Variants in SAMD8 observed in about 807,000 individuals in gnomAD.
SAMD8 encodes sphingomyelin synthase-related protein 1.
In SAMD8, 20 loss-of-function variants were observed where a neutral mutation model predicts 42.0. That is an observed-to-expected ratio of 0.48 (90% CI 0.34 to 0.69). The LOEUF is 0.69. Among genes scored for constraint, SAMD8 ranks in the 30% least tolerant of loss-of-function variants. The pLI is 0.01. For missense variants in SAMD8, 328 were observed against 511.6 expected, an observed-to-expected ratio of 0.64 and a Z score of 3.46; for synonymous variants, 162 against 173.0, an observed-to-expected ratio of 0.94 and a Z score of 0.50.
At chr10:75,173,666 T>C (rs1003051877) in intron 4 of SAMD8, among the ~76,000 whole-genome samples, 5 of 152,234 alleles carry the variant, frequency 3.3e-5, no homozygotes, top group African/African-American at 1.2e-4. Context: ...ACCAAACCCA[T>C]GTGTATTATC....
rs139431010 is a variant in SAMD8 at position 75,150,735 on chromosome 10, G to A, written c.207G>A (p.Met69Ile). 2.5e-6 allele frequency: 4 copies of A among 1,614,042 alleles called. No homozygotes were observed. Among genetic ancestry groups the A allele is most frequent in the Non-Finnish European group, 1.7e-6 (2 of 1,180,044 alleles). Residue 69 changes from methionine to isoleucine, a missense_variant, in exon 2 of 6, where the codon ATG becomes ATA. Physicochemically the swap from Met to Ile is conservative, Grantham distance 10. Around this residue, in one of 2 missense-constraint regions of SAMD8, gnomAD observed 150 missense variants for 186.0 expected, o/e 0.81. Transcript: ENST00000542569. ...IKVLGDIKRL[M>I]LSVRKLQKIH... is the part of the protein sequence containing the mutation. ...TCTTAGGGGACATTAAAAGGTTAAT[G>A]CTCTCAGTCCGAAAATTGCAGAAAA...
At chr10:75,168,057 C>T (rs1271243749) in intron 3 of SAMD8, among the ~76,000 whole-genome samples, 3 of 151,832 alleles carry the variant, frequency 2.0e-5, no homozygotes, top group Non-Finnish European at 4.4e-5. Context: ...AGTGCAATGG[C>T]GCAGTCTTGG....
At chr10:75,156,259 GA>G (rs147436985) in intron 2 of SAMD8, among the ~76,000 whole-genome samples, 28,629 of 151,928 alleles carry the variant, frequency 0.19, 2,924 homozygotes, top group East Asian at 0.26. Context: ...CATTCCTCAC[GA>G]AAATGAACTA....
At chr10:75,110,446 G>A (rs527699340), upstream of SAMD8, among the ~76,000 whole-genome samples, 1 of 152,202 alleles carries the variant, frequency 6.6e-6, no homozygotes, top group Non-Finnish European at 1.5e-5. Flanking sequence ...GAGCTGCAGT[G>A]GGGAGGTTCC....
intron 1 of SAMD8, among the ~76,000 whole-genome samples, chr10:75,144,403 C>T (rs1840089572): frequency 6.7e-6 from 1 of 150,096 alleles, no homozygotes; most frequent in South Asian, 2.1e-4. Context: ...ATGACTCATT[C>T]TCCCTGCTCC....
At chr10:75,155,238 A>G (rs913661314) in intron 2 of SAMD8, among the ~76,000 whole-genome samples, 1 of 152,160 alleles carries the variant, frequency 6.6e-6, no homozygotes, top group South Asian at 2.1e-4. Flanking sequence ...TGGAGTTGCC[A>G]TTTACAGAGA....
At chr10:75,104,735 C>T (rs1848389156) in intron 1 of SAMD8, among the ~76,000 whole-genome samples, 1 of 152,146 alleles carries the variant, frequency 6.6e-6, no homozygotes, top group Admixed American at 6.5e-5. Flanking sequence ...TCACAGTCAC[C>T]CCCAAACTCT....
chr10:75,131,409 A>C (rs907110684), intron 1 of SAMD8, among the ~76,000 whole-genome samples: 1 of 152,182 alleles, frequency 6.6e-6, no homozygotes, highest in Non-Finnish European at 1.5e-5. Context: ...TAGTTTAAGC[A>C]TATACACAGA....
chr10:75,174,566 C>G (rs1310184075), intron 4 of SAMD8, among the ~76,000 whole-genome samples: 2 of 151,198 alleles, frequency 1.3e-5, no homozygotes, highest in Non-Finnish European at 2.9e-5. Context: ...TCCTGAGTAG[C>G]TGGGATTACA....
chr10:75,127,676 C>T (rs1378512850), intron 1 of SAMD8, among the ~76,000 whole-genome samples: 1 of 152,168 alleles, frequency 6.6e-6, no homozygotes, highest in Non-Finnish European at 1.5e-5. Context: ...CATCACATAT[C>T]CTCTAGCTGT....
chr10:75,160,363 A>T (rs971370096), intron 2 of SAMD8, among the ~76,000 whole-genome samples: 3 of 143,080 alleles, frequency 2.1e-5, no homozygotes, highest in Admixed American at 2.1e-4. Flanking sequence ...CGCCAGGCTA[A>T]TTTTTTTTTT....
intron 1 of SAMD8, among the ~76,000 whole-genome samples, chr10:75,122,757 C>T (rs1441096316): frequency 1.3e-5 from 2 of 152,152 alleles, no homozygotes; most frequent in South Asian, 4.2e-4. Context: ...CGTCTCTTAC[C>T]CCTTCCCCAA....
At chr10:75,131,088 T>C (rs1020704347) in intron 1 of SAMD8, among the ~76,000 whole-genome samples, 5 of 152,222 alleles carry the variant, frequency 3.3e-5, no homozygotes, top group Non-Finnish European at 7.3e-5. Context: ...AAGCAGTTGT[T>C]GTTATAATTA....
intron 1 of SAMD8, among the ~76,000 whole-genome samples, chr10:75,144,812 A>G (rs1840097199): frequency 6.6e-6 from 1 of 152,076 alleles, no homozygotes; most frequent in African/African-American, 2.4e-5. Flanking sequence ...ATGGGCAACC[A>G]TGTCTGGCTA....
chr10:75,111,653 C>T (rs1848770960), upstream of SAMD8: 26 of 1,241,660 alleles, frequency 2.1e-5, no homozygotes, highest in South Asian at 1.1e-4. Flanking sequence ...CGGGGAGGGC[C>T]CCGGACTCCG....
chr10:75,156,056 A>G (rs990496925), intron 2 of SAMD8, among the ~76,000 whole-genome samples: 2 of 152,154 alleles, frequency 1.3e-5, no homozygotes, highest in African/African-American at 2.4e-5. Flanking sequence ...ACAAAAAATT[A>G]AAAATTAGCT....
At chr10:75,118,475 C>G (rs1450618636) in intron 1 of SAMD8, among the ~76,000 whole-genome samples, 1 of 152,132 alleles carries the variant, frequency 6.6e-6, no homozygotes, top group Non-Finnish European at 1.5e-5. Context: ...GAAATGCTGT[C>G]TCTACTAAAA....
At chr10:75,141,850 C>T (rs758465700) in intron 1 of SAMD8, among the ~76,000 whole-genome samples, 2 of 151,498 alleles carry the variant, frequency 1.3e-5, no homozygotes, top group Middle Eastern at 3.2e-3. Context: ...CTGCCTTTTG[C>T]TTCTTTTTTT....
intron 2 of SAMD8, among the ~76,000 whole-genome samples, chr10:75,157,179 T>G: frequency 6.6e-6 from 1 of 152,142 alleles, no homozygotes; most frequent in Non-Finnish European, 1.5e-5. Context: ...TTTTAACTTT[T>G]TTTGTAGATC....
Sources: gnomAD v4.1 joint callset for allele counts (sites outside exome capture counted in the v4.1 genomes callset) on GRCh38, gnomAD v4.1.1 for gene constraint, gnomAD v4.1.1 regional missense constraint, MANE v1.5 for transcripts, NCBI Gene and HGNC (gene_info 2026-07-23, HGNC 2026-07-21) for gene names.